Variants in CCDC149 observed in about 807,000 individuals in gnomAD.
CCDC149 encodes the protein coiled-coil domain containing 149.
CCDC149 carries 45 observed loss-of-function variants against 59.9 expected under a neutral mutation model. The ratio of observed to expected loss-of-function variants is 0.75; its 90% CI spans 0.59 to 0.96. CCDC149 has a LOEUF of 0.96. Among genes scored for constraint, CCDC149 ranks in the 40% least tolerant of loss-of-function variants. CCDC149 has a pLI of 0.00. For synonymous variants in CCDC149, 245 were observed against 260.6 expected, an observed-to-expected ratio of 0.94 and a Z score of 0.58; for missense variants, 584 against 664.7, an observed-to-expected ratio of 0.88 and a Z score of 1.33.
chr4:24,817,314 A>T (rs1715079715), intron 12 of CCDC149, among the ~76,000 whole-genome samples: 3 of 152,150 alleles, frequency 2.0e-5, no homozygotes, highest in Non-Finnish European at 4.4e-5. Flanking sequence ...GTTCCAGGCC[A>T]GCCTTACAAG....
At chr4:24,815,866 G>GCCC (rs1714983649) in intron 12 of CCDC149, among the ~76,000 whole-genome samples, 1 of 152,020 alleles carries the variant, frequency 6.6e-6, no homozygotes, top group Non-Finnish European at 1.5e-5. Context: ...TGCGTGTGGG[G>GCCC]CCAACACTGC....
At chr4:24,927,851 T>C (rs1377411684) in intron 1 of CCDC149, among the ~76,000 whole-genome samples, 1 of 151,988 alleles carries the variant, frequency 6.6e-6, no homozygotes, top group African/African-American at 2.4e-5. Flanking sequence ...GGGATATATA[T>C]ATGCTTGGCT....
intron 11 of CCDC149, among the ~76,000 whole-genome samples, 199 bp downstream of exon 11, chr4:24,820,852 AATTC>A (rs1466262155): frequency 6.6e-6 from 1 of 152,214 alleles, no homozygotes; most frequent in African/African-American, 2.4e-5. Context: ...CACAGCATAA[AATTC>A]ATTCAGCCAG....
intron 9 of CCDC149, among the ~76,000 whole-genome samples, chr4:24,824,226 G>T (rs1370664181): frequency 6.6e-6 from 1 of 152,200 alleles, no homozygotes; most frequent in Non-Finnish European, 1.5e-5. Context: ...GAAATGGAAC[G>T]AAGTGAATTT....
At chr4:24,951,279 AT>A (rs1324007641) in intron 1 of CCDC149, among the ~76,000 whole-genome samples, 1 of 152,232 alleles carries the variant, frequency 6.6e-6, no homozygotes, top group Non-Finnish European at 1.5e-5. Flanking sequence ...AGAATCATGC[AT>A]CCCCTCTCAT....
At chr4:24,857,416 T>C (rs1718089389) in intron 3 of CCDC149, among the ~76,000 whole-genome samples, 1 of 152,262 alleles carries the variant, frequency 6.6e-6, no homozygotes, top group South Asian at 2.1e-4. Context: ...CAAATTGCTA[T>C]AAAAGTTTCT....
At chr4:24,977,159 C>T (rs554563061) in intron 1 of CCDC149, among the ~76,000 whole-genome samples, 25 of 152,158 alleles carry the variant, frequency 1.6e-4, no homozygotes, top group Admixed American at 5.2e-4. Flanking sequence ...GACTTAGTGA[C>T]GATGTACAAT....
rs190601728 is a variant in CCDC149, at chr4:24,935,800, A to G, written c.-64-40682T>C. ...AGACACAATGAATATATGAGTCTAA[A>G]GTTTAGGGGAGAGGGAGAACCAAAG... On this transcript the variant is annotated intron_variant, in intron 1 of 12. Coordinates refer to the CCDC149 transcript ENST00000389609. 4.2e-3 allele frequency among the ~76,000 whole-genome samples: 637 copies of G among 152,310 alleles called. 1 individual carries two copies. Among genetic ancestry groups the G allele is most frequent in the Non-Finnish European group, 5.5e-3 (372 of 68,034 alleles).
intron 1 of CCDC149, among the ~76,000 whole-genome samples, chr4:24,879,582 G>A (rs1400302417): frequency 1.3e-5 from 2 of 151,414 alleles, no homozygotes; most frequent in Admixed American, 6.6e-5. Flanking sequence ...CTACTTGGGA[G>A]GCTGAGGCAG....
At chr4:24,879,188 C>T (rs1377709758) in intron 1 of CCDC149, among the ~76,000 whole-genome samples, 1 of 152,138 alleles carries the variant, frequency 6.6e-6, no homozygotes, top group East Asian at 1.9e-4. Flanking sequence ...CATACCCTGG[C>T]ACAAGTCTTT....
At chr4:24,875,325 G>A (rs6828571) in intron 2 of CCDC149, among the ~76,000 whole-genome samples, 29 of 145,860 alleles carry the variant, frequency 2.0e-4, no homozygotes, top group East Asian at 1.2e-3. Flanking sequence ...GCGAGAATCC[G>A]TCTCAAAAAA....
Position 24,885,162 on chromosome 4 carries a change from C to T in CCDC149, c.64-8465G>A, listed in dbSNP as rs1201997103. ...AGACGGGTGGCCAGGTCAGAAAGGG[C>T]CCGGATGTGGTGCTGAGGAGTTCAG... On this transcript the variant is annotated intron_variant, in intron 1 of 12. Coordinates refer to ENST00000635206, the MANE Select transcript of CCDC149 (RefSeq NM_001330643.2). Among the ~76,000 whole-genome samples, 10 of 152,222 alleles carry T rather than the reference C, an allele frequency of 6.6e-5. No homozygotes were observed. In the South Asian group the frequency reaches 1.7e-3, roughly 25 times the overall value.
Position 24,876,678 on chromosome 4 carries a change from T to C in CCDC149, c.83A>G (p.Lys28Arg). The change falls in exon 2 of 13, where the codon AAG (lysine) becomes AGG (arginine). Residue 28 changes from lysine to arginine, a missense_variant. Physicochemically the swap from Lys to Arg is conservative, Grantham distance 26. Coordinates refer to ENST00000635206, the MANE Select transcript of CCDC149 (RefSeq NM_001330643.2). Reference sequence around the variant, plus strand: ...CAGGGCTTCCTTCTTACTCTCCAGCTTCCTCTTACACACCAGGTACTGCAA... The same window carrying C: ...CAGGGCTTCCTTCTTACTCTCCAGCCTCCTCTTACACACCAGGTACTGCAA... 1 of 1,612,948 alleles carries C rather than the reference T, an allele frequency of 6.2e-7. No homozygotes were observed. Among genetic ancestry groups the C allele is most frequent in the Non-Finnish European group, 8.5e-7 (1 of 1,179,500 alleles).
chr4:24,917,771 T>C (rs1328473530), upstream of CCDC149, among the ~76,000 whole-genome samples: 1 of 152,148 alleles, frequency 6.6e-6, no homozygotes, highest in Non-Finnish European at 1.5e-5. Flanking sequence ...TGCTCTCAGA[T>C]TATTCAAATT....
intron 12 of CCDC149, among the ~76,000 whole-genome samples, chr4:24,813,531 AC>A (rs1714807907): frequency 8.6e-6 from 1 of 116,942 alleles, no homozygotes; most frequent in Non-Finnish European, 1.7e-5. Flanking sequence ...TATATATAAA[AC>A]CTAAAAAGGA....
chr4:24,907,639 ACTGT>A (rs1721613890), intron 1 of CCDC149, among the ~76,000 whole-genome samples: 1 of 152,184 alleles, frequency 6.6e-6, no homozygotes. Context: ...ATGGAGAGAA[ACTGT>A]CTGAGTGGTG....
At chr4:24,822,678 T>G (rs1191182266) in intron 9 of CCDC149, 105 bp from the exon 10 acceptor site, 1 of 696,152 alleles carries the variant, frequency 1.4e-6, no homozygotes, top group South Asian at 2.2e-5. Flanking sequence ...AGATTTATGA[T>G]ATATGCAAAA....
chr4:24,876,365 G>A (rs1719440351), intron 2 of CCDC149, among the ~76,000 whole-genome samples, 171 bp downstream of exon 2: 1 of 151,554 alleles, frequency 6.6e-6, no homozygotes. Context: ...AGATTAACTT[G>A]TGAGTGGGAC....
In CCDC149 at chr4:24,874,252, T is replaced by G. The variant is rs1298219007; in HGVS notation, c.226-533A>C. Among the ~76,000 whole-genome samples, 73 of 70,118 alleles carry G rather than the reference T, an allele frequency of 1.0e-3. 2 individuals carry two copies. Among genetic ancestry groups the G allele is most frequent in the African/African-American group, 5.4e-3 (72 of 13,294 alleles). The allele number at this position is 70,118 out of a possible 152,430, so 46.0% of individuals were successfully genotyped here. A position where few individuals can be genotyped will look rare whatever the true frequency, so the allele number is the denominator to read the frequency against. On this transcript the variant is annotated intron_variant, in intron 2 of 12. Transcript: ENST00000635206. ...CTAGTCCTATTAGATTTGTTTTTTT[T>G]TTTTTTTGTTTTGTTTTTTTTTGTT...
Sources: allele counts gnomAD v4.1 joint callset (sites outside exome capture counted in the v4.1 genomes callset), GRCh38; gene constraint gnomAD v4.1.1; transcripts MANE v1.5; gene names NCBI Gene and HGNC (gene_info 2026-07-23, HGNC 2026-07-21).